Variants in HDAC9 observed in about 807,000 individuals in gnomAD.
The protein encoded by HDAC9 is MEF-2 interacting transcription repressor (MITR) protein.
Under a neutral mutation model 139.4 loss-of-function variants are expected in HDAC9, and 41 were observed. The ratio of observed to expected loss-of-function variants is 0.29; its 90% CI spans 0.23 to 0.38. The LOEUF (loss-of-function observed/expected upper bound fraction) is 0.38, where lower values mean the gene tolerates loss of function less well. Ranked by LOEUF, HDAC9 falls within the 10% of genes least tolerant of loss-of-function variation. The pLI, the probability that HDAC9 is intolerant of heterozygous loss-of-function variation, is 1.00. For missense variants in HDAC9, 1,147 were observed against 1,297.0 expected (o/e 0.88, Z 1.78); for synonymous variants, 517 against 476.2 (o/e 1.09, Z -1.12).
At chr7:18,423,561 C>G (rs1789839522) in intron 1 of HDAC9, among the ~76,000 whole-genome samples, 2 of 152,330 alleles carry the variant, frequency 1.3e-5, no homozygotes, top group South Asian at 4.1e-4. Context: ...ATTATTTGCT[C>G]ATGGTTCTGC....
chr7:18,167,904 A>G (rs906296419), intron 2 of HDAC9, among the ~76,000 whole-genome samples: 14 of 152,232 alleles, frequency 9.2e-5, no homozygotes, highest in African/African-American at 2.9e-4. Flanking sequence ...ATTGCTTACC[A>G]AGAGGTGCAG....
chr7:18,210,380 G>A (rs1160534102), intron 2 of HDAC9, among the ~76,000 whole-genome samples: 2 of 152,178 alleles, frequency 1.3e-5, no homozygotes, highest in African/African-American at 2.4e-5. Context: ...AAGAACATAA[G>A]TTCCAGTTAA....
intron 17 of HDAC9, among the ~76,000 whole-genome samples, chr7:18,807,511 T>C (rs752678388): frequency 4.6e-5 from 7 of 152,128 alleles, no homozygotes; most frequent in Non-Finnish European, 1.0e-4. Context: ...TTTTTAGTTA[T>C]TTGTAAAGGT....
chr7:18,677,379 A>G (rs919701940), intron 12 of HDAC9, among the ~76,000 whole-genome samples: 4 of 151,754 alleles, frequency 2.6e-5, no homozygotes, highest in Admixed American at 2.6e-4. Flanking sequence ...TTGTTTATGT[A>G]TTTGTCTATT....
At chr7:18,498,152 A>C (rs769390632) in intron 2 of HDAC9, among the ~76,000 whole-genome samples, 3 of 152,130 alleles carry the variant, frequency 2.0e-5, no homozygotes, top group Non-Finnish European at 4.4e-5. Context: ...ATACATAATC[A>C]CTAAGTTCTA....
At chr7:18,169,033 G>A (rs987745296) in intron 2 of HDAC9, among the ~76,000 whole-genome samples, 1 of 151,790 alleles carries the variant, frequency 6.6e-6, no homozygotes, top group Non-Finnish European at 1.5e-5. Flanking sequence ...CGCCTCTTGG[G>A]TTCAAGCAAT....
At chr7:18,886,784 G>T (rs921710723) in intron 22 of HDAC9, among the ~76,000 whole-genome samples, 4 of 152,228 alleles carry the variant, frequency 2.6e-5, no homozygotes, top group Admixed American at 2.6e-4. Context: ...AATATTGCCA[G>T]GGACAAATTT....
chr7:18,246,337 T>C (rs912483419), intron 2 of HDAC9, among the ~76,000 whole-genome samples: 1 of 151,696 alleles, frequency 6.6e-6, no homozygotes, highest in African/African-American at 2.4e-5. Context: ...GGAAGTCTGC[T>C]TGGCATTTTT....
At chr7:18,956,947 A>G (rs895420113) in intron 24 of HDAC9, among the ~76,000 whole-genome samples, 4 of 152,182 alleles carry the variant, frequency 2.6e-5, no homozygotes, top group Non-Finnish European at 5.9e-5. Flanking sequence ...TGCGTTTTAA[A>G]GAAGCAGCCC....
intron 22 of HDAC9, among the ~76,000 whole-genome samples, chr7:18,876,215 A>G (rs999411684): frequency 2.0e-5 from 3 of 152,166 alleles, no homozygotes; most frequent in Non-Finnish European, 2.9e-5. Flanking sequence ...GTATAATAGC[A>G]TCTTCAATAT....
intron 1 of HDAC9, among the ~76,000 whole-genome samples, chr7:18,455,602 AG>A (rs145540839): frequency 0.018 from 2,810 of 152,316 alleles, 94 homozygotes; most frequent in African/African-American, 0.064. Context: ...CATTTTCCAA[AG>A]GATGGATTGA....
At chr7:18,496,972 A>G (rs964993296) in intron 2 of HDAC9, among the ~76,000 whole-genome samples, 6 of 152,128 alleles carry the variant, frequency 3.9e-5, no homozygotes, top group African/African-American at 1.4e-4. Flanking sequence ...CATAACACAC[A>G]TGTAAATGTG....
At chr7:18,880,047 A>G (rs1799613881) in intron 22 of HDAC9, among the ~76,000 whole-genome samples, 1 of 152,208 alleles carries the variant, frequency 6.6e-6, no homozygotes, top group African/African-American at 2.4e-5. Flanking sequence ...GCCAACAAGC[A>G]TATGAAAAAA....
chr7:18,445,796 G>C (rs1049386172), intron 1 of HDAC9, among the ~76,000 whole-genome samples: 12 of 152,184 alleles, frequency 7.9e-5, no homozygotes, highest in Non-Finnish European at 2.9e-5. Flanking sequence ...CAAAAAGATA[G>C]TTGACAGCAA....
chr7:18,363,907 C>G (rs1352338634), intron 1 of HDAC9, among the ~76,000 whole-genome samples: 2 of 152,068 alleles, frequency 1.3e-5, no homozygotes, highest in Non-Finnish European at 2.9e-5. Flanking sequence ...AGTGAAATGC[C>G]TTAACATTAA....
chr7:18,203,278 A>G (rs1791268952), intron 2 of HDAC9, among the ~76,000 whole-genome samples: 1 of 152,190 alleles, frequency 6.6e-6, no homozygotes, highest in Non-Finnish European at 1.5e-5. Flanking sequence ...GTGAAATATG[A>G]GGATTTCAGG....
Position 18,591,544 on chromosome 7 carries a change from G to A in HDAC9, c.444G>A (p.Gln148=). The A allele has an allele frequency of 6.2e-7, 1 of 1,606,458 alleles. No homozygotes were observed. The highest frequency in any genetic ancestry group is 1.1e-5 in the South Asian group (1 of 89,740). Residue 148 remains glutamine, a synonymous_variant, in exon 5 of 26, where the codon CAG becomes CAA. Coordinates refer to ENST00000686413, the MANE Select transcript of HDAC9 (RefSeq NM_178425.4). ...ERAVASTEVK[Q]KLQEFLLSKS... is the part of the protein sequence containing the mutation. ...CAGTGGCAAGTACAGAAGTAAAGCA[G>A]AAGCTTCAAGAGTTCCTACTGAGTA... is the stretch of plus-strand genomic sequence containing the variant.
intron 16 of HDAC9, among the ~76,000 whole-genome samples, chr7:18,770,573 G>T (rs1376249665): frequency 6.6e-6 from 1 of 152,084 alleles, no homozygotes; most frequent in Non-Finnish European, 1.5e-5. Context: ...GGACGAGCAG[G>T]CTTTTATGAT....
At chr7:18,286,175 T>C (rs896673266), upstream of HDAC9, among the ~76,000 whole-genome samples, 1 of 152,010 alleles carries the variant, frequency 6.6e-6, no homozygotes, top group Admixed American at 6.6e-5. Flanking sequence ...CTAGTCAGCA[T>C]ATAACTTAAG....
Sources: allele counts gnomAD v4.1 joint callset (sites outside exome capture counted in the v4.1 genomes callset), GRCh38; gene constraint gnomAD v4.1.1; transcripts MANE v1.5; gene names NCBI Gene and HGNC (gene_info 2026-07-23, HGNC 2026-07-21).